DHPS: variants seen among roughly 807,000 people sequenced by gnomAD.
DHPS encodes migration-inducing gene 13.
DHPS carries 24 observed loss-of-function variants against 38.7 expected under a neutral mutation model. That is an observed-to-expected ratio of 0.62 (90% confidence interval 0.45 to 0.87). The LOEUF (loss-of-function observed/expected upper bound fraction) is 0.87, where lower values mean the gene tolerates loss of function less well. DHPS is among the 40% of genes least tolerant of loss of function. The pLI is 0.00. For synonymous variants in DHPS, 250 were observed against 204.4 expected (o/e 1.22, Z -1.90); for missense variants, 510 against 497.6 (o/e 1.02, Z -0.24).
chr19:12,676,348 A>T, intron 7 of DHPS: 1 of 635,402 alleles, frequency 1.6e-6, no homozygotes. Context: ...CCCAGACCCA[A>T]CAGCCAGGTG....
chr19:12,672,532 C>T (rs189198398), downstream of DHPS: 607 of 359,430 alleles, frequency 1.7e-3, 1 homozygote, highest in Non-Finnish European at 2.1e-3. Context: ...CTCTTGAACC[C>T]GGGAGGCAGA....
At chr19:12,679,319 G>A (rs191264893) in intron 5 of DHPS, 138 bp downstream of exon 5, 19 of 819,312 alleles carry the variant, frequency 2.3e-5, no homozygotes, top group South Asian at 8.0e-5. Context: ...AAATTACCAC[G>A]CCTATCTGTG....
At chr19:12,677,004 G>T in intron 7 of DHPS, 104 bp downstream of exon 7, 1 of 1,050,794 alleles carries the variant, frequency 9.5e-7, no homozygotes, top group Non-Finnish European at 1.4e-6. Flanking sequence ...GTCCCGGGGA[G>T]CAGGGATCCT....
In DHPS at chr19:12,681,134, C is replaced by T. The variant is rs777287823; in HGVS notation, c.207+426G>A. ...GGCATGCGCCACCGCGCCCAGCCAG[C>T]CCCCACCCTTTTAGGAATCAGAGAG... On this transcript the variant is annotated intron_variant, in intron 1 of 8. Transcript: ENST00000210060. 6 of 1,277,974 alleles carry T rather than the reference C, an allele frequency of 4.7e-6. No homozygotes were observed. The Admixed American group carries it at 1.3e-4, about 27-fold the overall frequency. The allele number at this position is 1,277,974 out of a possible 1,614,324, so 79.2% of individuals were successfully genotyped here.
chr19:12,672,862 C>T (rs769978666), downstream of DHPS: 19 of 1,587,950 alleles, frequency 1.2e-5, no homozygotes, highest in South Asian at 6.9e-5. Context: ...TGGATGGCCG[C>T]GTGAGACGCT....
chr19:12,672,974 C>T, downstream of DHPS: 1 of 1,600,538 alleles, frequency 6.2e-7, no homozygotes, highest in Middle Eastern at 1.7e-4. Flanking sequence ...CAGGGGCACC[C>T]CACCCTCACT....
Position 12,681,709 on chromosome 19 carries a change from G to C in DHPS, c.58C>G (p.His20Asp). 6.2e-7 allele frequency: 1 copy of C among 1,613,772 alleles called. No individual in the cohort carries two copies. The highest frequency in any genetic ancestry group is 8.5e-7 in the Non-Finnish European group (1 of 1,180,022). The change falls in exon 1 of 9, where the codon CAC becomes GAC. Residue 20 changes from histidine to aspartate, a missense_variant. By Grantham distance (81) the His-to-Asp change is moderately conservative. Transcript: ENST00000210060. ...PAGALAAVLK[H>D]SSTLPPESTQ... ...CTTTCGGGCGGCAACGTCGAGCTGT[G>C]CTTTAGCACGGCGGCCAGCGCCCCC...
At chr19:12,677,990 C>T (rs74180201) in intron 5 of DHPS, among the ~76,000 whole-genome samples, 21 of 149,800 alleles carry the variant, frequency 1.4e-4, no homozygotes, top group South Asian at 2.1e-4. Context: ...CGGTGGCTCA[C>T]GCTTGTAATC....
chr19:12,673,409 TC>T (rs372829330), downstream of DHPS: 163 of 367,570 alleles, frequency 4.4e-4, no homozygotes, highest in East Asian at 7.0e-4. Context: ...AAGGCTAGGA[TC>T]TTTTTTTTTT....
chr19:12,673,553 G>A (rs1035136795), downstream of DHPS, among the ~76,000 whole-genome samples: 1 of 151,770 alleles, frequency 6.6e-6, no homozygotes, highest in African/African-American at 2.4e-5. Flanking sequence ...GAGTAGTTGG[G>A]ATTATAGGTG....
chr19:12,677,228 G>C lies in DHPS; in HGVS notation c.785-17C>G. 2.5e-6 allele frequency: 4 copies of C among 1,614,094 alleles called. No individual in the cohort carries two copies. The highest frequency in any genetic ancestry group is 3.4e-6 in the Non-Finnish European group (4 of 1,179,942). On this transcript the variant is annotated splice_polypyrimidine_tract_variant and intron_variant, in intron 6 of 8. Transcript: ENST00000210060. ...GCCTCAGGTCTGGGGGAAGAGCGCCGAAGTCAGGCCTTGGACTCAGCCAGC... is the reference window on the plus strand; with the variant it reads ...GCCTCAGGTCTGGGGGAAGAGCGCCCAAGTCAGGCCTTGGACTCAGCCAGC...
At chr19:12,681,127 C>G in intron 1 of DHPS, 9 of 1,278,236 alleles carry the variant, frequency 7.0e-6, no homozygotes, top group Non-Finnish European at 9.1e-6. Flanking sequence ...CCACCGCGCC[C>G]AGCCAGCCCC....
At chr19:12,672,871 C>A, downstream of DHPS, 1 of 1,593,012 alleles carries the variant, frequency 6.3e-7, no homozygotes, top group East Asian at 2.3e-5. Context: ...GCGTGAGACG[C>A]TATGACCTAA....
chr19:12,681,554 C>A lies in DHPS; in HGVS notation c.207+6G>T, dbSNP rs375924771. The A allele has an allele frequency of 6.2e-7, 1 of 1,614,096 alleles. No homozygotes were observed. Among genetic ancestry groups the A allele is most frequent in the African/African-American group, 1.3e-5 (1 of 74,954 alleles). On this transcript the variant is annotated splice_donor_region_variant and intron_variant, in intron 1 of 8. Coordinates refer to ENST00000210060, the MANE Select transcript of DHPS (RefSeq NM_001930.4). The stretch of plus-strand genomic sequence containing the variant: ...CGCGTCCCTAGAAATTCCGCCCGGT[C>A]CTCACCATGGCATTGACTTGCTGTA...
chr19:12,681,719 G>C lies in DHPS; in HGVS notation c.48C>G (p.Ala16=). Reference sequence around the variant, plus strand: ...GCAACGTCGAGCTGTGCTTTAGCACGGCGGCCAGCGCCCCCGCTGGCGCCT... The same window carrying C: ...GCAACGTCGAGCTGTGCTTTAGCACCGCGGCCAGCGCCCCCGCTGGCGCCT... ...EREAPAGALA[A]VLKHSSTLPP... is the part of the protein sequence containing the mutation. Residue 16 remains alanine (A), a synonymous_variant, in exon 1 of 9, where the codon GCC becomes GCG. Transcript: ENST00000210060. 6.2e-7 allele frequency: 1 copy of C among 1,613,252 alleles called. No homozygotes were observed. The highest frequency in any genetic ancestry group is 8.5e-7 in the Non-Finnish European group (1 of 1,179,986).
chr19:12,681,097 G>A (rs2024793948), intron 1 of DHPS: 1 of 1,264,068 alleles, frequency 7.9e-7, no homozygotes, highest in South Asian at 1.3e-5. Context: ...TTCCCAAAAT[G>A]CTGGGATTAT....
chr19:12,676,530 C>T (rs2024595010), intron 7 of DHPS: 2 of 223,678 alleles, frequency 8.9e-6, no homozygotes, highest in African/African-American at 2.3e-5. Flanking sequence ...CCAGGGGGAG[C>T]ATGGGAACCC....
chr19:12,672,644 C>G (rs2024456727), downstream of DHPS: 1 of 603,298 alleles, frequency 1.7e-6, no homozygotes, highest in Non-Finnish European at 3.0e-6. Flanking sequence ...CAGAAGGACT[C>G]CAAGGGCTTG....
intron 1 of DHPS, chr19:12,681,138 C>T: frequency 7.8e-7 from 1 of 1,279,082 alleles, no homozygotes; most frequent in Non-Finnish European, 1.0e-6. Context: ...AGCCAGCCCC[C>T]ACCCTTTTAG....
Sources: allele counts gnomAD v4.1 joint callset (sites outside exome capture counted in the v4.1 genomes callset), GRCh38; gene constraint gnomAD v4.1.1; transcripts MANE v1.5; gene names NCBI Gene and HGNC (gene_info 2026-07-23, HGNC 2026-07-21).